Variants in KLHL32 observed in about 807,000 individuals in gnomAD.
KLHL32 encodes the protein kelch-like protein 32.
Under a neutral mutation model 64.8 loss-of-function variants are expected in KLHL32, and 35 were observed. The ratio of observed to expected loss-of-function variants is 0.54; its 90% CI spans 0.41 to 0.72. The LOEUF is 0.72. Among genes scored for constraint, KLHL32 ranks in the 30% least tolerant of loss-of-function variants. The pLI, the probability that KLHL32 is intolerant of heterozygous loss-of-function variation, is 0.00. For missense variants in KLHL32, 589 were observed against 768.5 expected (o/e 0.77, Z 2.76); for synonymous variants, 259 against 281.0 (o/e 0.92, Z 0.78).
chr6:96,965,154 T>C lies in KLHL32; in HGVS notation c.-65-1842T>C, dbSNP rs78063418. Among the ~76,000 whole-genome samples, 3 of 152,364 alleles carry C rather than the reference T, an allele frequency of 2.0e-5. No homozygotes were observed. In the East Asian group the frequency reaches 5.8e-4, roughly 29 times the overall value. ...GCATAATGGCCTGCAGTTGCATCCA[T>C]ATTGCTGCAAAGGACAAGATTTTCT... is the stretch of plus-strand genomic sequence containing the variant. On this transcript the variant is annotated intron_variant, in intron 1 of 10. Coordinates refer to ENST00000369261, the MANE Select transcript of KLHL32 (RefSeq NM_052904.4).
intron 3 of KLHL32, among the ~76,000 whole-genome samples, chr6:97,013,338 A>C (rs1780661943): frequency 6.6e-6 from 1 of 152,186 alleles, no homozygotes; most frequent in Non-Finnish European, 1.5e-5. Context: ...TATATGAGGA[A>C]ACTCACTTCA....
At chr6:97,076,259 T>G (rs1272037224) in intron 5 of KLHL32, among the ~76,000 whole-genome samples, 7 of 152,240 alleles carry the variant, frequency 4.6e-5, no homozygotes, top group Non-Finnish European at 8.8e-5. Context: ...ATATTAGACA[T>G]TCAGTGTTTT....
At chr6:97,093,414 G>T (rs1794541244) in intron 6 of KLHL32, among the ~76,000 whole-genome samples, 1 of 152,134 alleles carries the variant, frequency 6.6e-6, no homozygotes, top group Admixed American at 6.5e-5. Context: ...GCTTCCAGAA[G>T]TTCAATAGTT....
intron 3 of KLHL32, among the ~76,000 whole-genome samples, chr6:96,995,760 G>T (rs1778345343): frequency 6.6e-6 from 1 of 152,136 alleles, no homozygotes; most frequent in Admixed American, 6.5e-5. Context: ...TGTCTCTCAT[G>T]AAGCCCTATC....
intron 3 of KLHL32, among the ~76,000 whole-genome samples, chr6:97,007,684 G>T (rs1779837813): frequency 6.6e-6 from 1 of 152,198 alleles, no homozygotes; most frequent in Admixed American, 6.5e-5. Flanking sequence ...TGATACCCTT[G>T]GGAGTTTGAT....
chr6:96,973,741 T>TTTTTTTTTTTTTTTTTTGTA (rs3032640), intron 2 of KLHL32, among the ~76,000 whole-genome samples: 1 of 149,450 alleles, frequency 6.7e-6, no homozygotes, highest in African/African-American at 2.5e-5. Flanking sequence ...TTTTTTTTTT[T>TTTTTTTTTTTTTTTTTTGTA]AGACAGAGTC....
chr6:97,092,631 GAC>G (rs1316655410), intron 6 of KLHL32, among the ~76,000 whole-genome samples: 1 of 152,156 alleles, frequency 6.6e-6, no homozygotes, highest in Non-Finnish European at 1.5e-5. Flanking sequence ...CCCCTAGCTG[GAC>G]ACAGAGTAAC....
At chr6:97,061,334 C>A (rs1013891152) in intron 4 of KLHL32, among the ~76,000 whole-genome samples, 5 of 152,114 alleles carry the variant, frequency 3.3e-5, no homozygotes, top group Admixed American at 6.5e-5. Context: ...CCTTTCCCCC[C>A]ACTTCCCCCA....
chr6:97,121,464 T>G (rs995551461), intron 7 of KLHL32, among the ~76,000 whole-genome samples: 1 of 152,182 alleles, frequency 6.6e-6, no homozygotes, highest in African/African-American at 2.4e-5. Context: ...AAGAGACACA[T>G]AATGTCTTTC....
upstream of KLHL32, among the ~76,000 whole-genome samples, chr6:96,922,229 A>C (rs1768774093): frequency 6.6e-6 from 1 of 152,184 alleles, no homozygotes; most frequent in Non-Finnish European, 1.5e-5. Flanking sequence ...AGGCTAAAAC[A>C]ACTGGAAGCT....
the KLHL32 span, among the ~76,000 whole-genome samples, chr6:96,906,498 A>G: frequency 6.6e-6 from 1 of 152,204 alleles, no homozygotes; most frequent in East Asian, 1.9e-4. Flanking sequence ...TGGAAATTAG[A>G]GAGCCATAGG....
At chr6:96,927,512 C>G (rs1325185374) in intron 1 of KLHL32, among the ~76,000 whole-genome samples, 1 of 152,036 alleles carries the variant, frequency 6.6e-6, no homozygotes, top group African/African-American at 2.4e-5. Flanking sequence ...TCTCGTGTTT[C>G]TCCTAGAGCT....
chr6:96,958,952 C>A (rs950719443), intron 1 of KLHL32, among the ~76,000 whole-genome samples: 1 of 152,098 alleles, frequency 6.6e-6, no homozygotes, highest in African/African-American at 2.4e-5. Context: ...CACTTTGGAC[C>A]CTCATCCCTC....
chr6:96,951,324 G>A (rs1320310412), intron 1 of KLHL32, among the ~76,000 whole-genome samples: 1 of 152,078 alleles, frequency 6.6e-6, no homozygotes, highest in African/African-American at 2.4e-5. Context: ...ATGAATTTGG[G>A]CTGCATTTAC....
At chr6:97,006,617 T>C (rs1282450309) in intron 3 of KLHL32, among the ~76,000 whole-genome samples, 3 of 152,168 alleles carry the variant, frequency 2.0e-5, no homozygotes, top group Non-Finnish European at 4.4e-5. Flanking sequence ...TGTGTTTTTG[T>C]GGTGACCAGT....
chr6:97,036,587 C>G (rs1187806423), intron 3 of KLHL32, among the ~76,000 whole-genome samples: 1 of 152,028 alleles, frequency 6.6e-6, no homozygotes, highest in Non-Finnish European at 1.5e-5. Context: ...CTTAAATAAT[C>G]ACCTGAGGTG....
intron 5 of KLHL32, among the ~76,000 whole-genome samples, chr6:97,074,985 C>G (rs1791373161): frequency 6.6e-6 from 1 of 151,862 alleles, no homozygotes; most frequent in Non-Finnish European, 1.5e-5. Flanking sequence ...TGACTGGGGC[C>G]AGAATTATTA....
chr6:97,074,924 C>T (rs542345150), intron 5 of KLHL32, among the ~76,000 whole-genome samples: 6 of 151,922 alleles, frequency 3.9e-5, no homozygotes, highest in South Asian at 2.1e-4. Context: ...AATCTCCTTA[C>T]GTGCTGAGTC....
chr6:97,047,367 G>T (rs541985067), intron 4 of KLHL32, among the ~76,000 whole-genome samples: 10 of 152,286 alleles, frequency 6.6e-5, no homozygotes, highest in African/African-American at 2.4e-4. Context: ...GCACAGCCAT[G>T]CATGGAGGCC....
Sources: allele counts gnomAD v4.1 joint callset (sites outside exome capture counted in the v4.1 genomes callset), GRCh38; gene constraint gnomAD v4.1.1; transcripts MANE v1.5; gene names NCBI Gene and HGNC (gene_info 2026-07-23, HGNC 2026-07-21).